Variants in DYNC1I1 observed in about 807,000 individuals in gnomAD.
DYNC1I1 encodes dynein cytoplasmic 1 intermediate chain 1.
Under a neutral mutation model 86.6 loss-of-function variants are expected in DYNC1I1, and 43 were observed. That is an observed-to-expected ratio of 0.50 (90% confidence interval 0.39 to 0.64). The LOEUF is 0.64. Ranked by LOEUF, DYNC1I1 falls within the 30% of genes least tolerant of loss-of-function variation. DYNC1I1 has a pLI of 0.00. For synonymous variants in DYNC1I1, 262 were observed against 283.7 expected (o/e 0.92, Z 0.77); for missense variants, 604 against 788.8 (o/e 0.77, Z 2.81).
intron 16 of DYNC1I1, among the ~76,000 whole-genome samples, chr7:96,080,809 C>T (rs963139662): frequency 2.0e-5 from 3 of 152,058 alleles, no homozygotes; most frequent in Non-Finnish European, 2.9e-5. Context: ...CGGTGCCTCA[C>T]GCCTGTAATC....
At chr7:95,884,896 T>C (rs1790553389) in intron 6 of DYNC1I1, among the ~76,000 whole-genome samples, 1 of 152,010 alleles carries the variant, frequency 6.6e-6, no homozygotes, top group African/African-American at 2.4e-5. Flanking sequence ...ATCTACCTCA[T>C]AGGGCTGTCA....
chr7:96,024,236 T>G (rs951437592), intron 10 of DYNC1I1, among the ~76,000 whole-genome samples: 3 of 152,282 alleles, frequency 2.0e-5, no homozygotes, highest in Admixed American at 6.5e-5. Context: ...TATTTTCCAC[T>G]TACGTAAACT....
At chr7:95,915,170 A>G (rs758112413) in intron 6 of DYNC1I1, among the ~76,000 whole-genome samples, 1 of 152,260 alleles carries the variant, frequency 6.6e-6, no homozygotes, top group Non-Finnish European at 1.5e-5. Context: ...TATGGTCACA[A>G]AGACAGCCAA....
At chr7:96,072,876 T>G (rs781199917) in intron 14 of DYNC1I1, among the ~76,000 whole-genome samples, 10 of 152,232 alleles carry the variant, frequency 6.6e-5, no homozygotes, top group Non-Finnish European at 1.3e-4. Flanking sequence ...AAATATTTTA[T>G]GCATGAGACA....
intron 1 of DYNC1I1, among the ~76,000 whole-genome samples, chr7:95,792,130 G>A (rs1794319213): frequency 6.6e-6 from 1 of 152,138 alleles, no homozygotes; most frequent in African/African-American, 2.4e-5. Context: ...ATTAGACATG[G>A]CCCCTGTCTT....
intron 14 of DYNC1I1, among the ~76,000 whole-genome samples, chr7:96,057,836 T>C (rs78955577): frequency 0.037 from 5,629 of 152,250 alleles, 114 homozygotes; most frequent in African/African-American, 0.061. Context: ...TTGCCAGCAG[T>C]CATATTTCTG....
intron 1 of DYNC1I1, among the ~76,000 whole-genome samples, chr7:95,776,053 C>G (rs147067075): frequency 1.5e-4 from 23 of 152,212 alleles, no homozygotes; most frequent in African/African-American, 5.3e-4. Context: ...AGAGACCAGG[C>G]TGGAGGCTCG....
At chr7:95,798,600 A>G (rs1177407729) in intron 1 of DYNC1I1, among the ~76,000 whole-genome samples, 1 of 152,250 alleles carries the variant, frequency 6.6e-6, no homozygotes, top group African/African-American at 2.4e-5. Flanking sequence ...GTCTGGCAAC[A>G]GCTGGGCAGT....
chr7:96,099,095 G>T (rs955423989), downstream of DYNC1I1, among the ~76,000 whole-genome samples: 3 of 152,148 alleles, frequency 2.0e-5, no homozygotes, highest in African/African-American at 7.2e-5. Flanking sequence ...TGAATGAAAA[G>T]TACTGGGAAA....
chr7:95,798,484 G>A lies in DYNC1I1; in HGVS notation c.-9-6237G>A, dbSNP rs997581530. Among the ~76,000 whole-genome samples the A allele has an allele frequency of 1.2e-4, 19 of 152,042 alleles. No homozygotes were observed. In the East Asian group the frequency reaches 2.9e-3, roughly 23 times the overall value. ...CTGTGAAAGATCAAATTTCTTACAC[G>A]TATCTGTGGCAGATGAAAAGTTCAA... On this transcript the variant is annotated intron_variant, in intron 1 of 16. Transcript: ENST00000447467.
intron 1 of DYNC1I1, among the ~76,000 whole-genome samples, chr7:95,774,918 A>G (rs1793803574): frequency 6.6e-6 from 1 of 152,224 alleles, no homozygotes; most frequent in Admixed American, 6.5e-5. Flanking sequence ...GCATCAAATG[A>G]AAAGGTCACA....
At chr7:95,867,305 AG>A (rs1481922224) in intron 5 of DYNC1I1, among the ~76,000 whole-genome samples, 2 of 152,220 alleles carry the variant, frequency 1.3e-5, no homozygotes, top group Non-Finnish European at 2.9e-5. Flanking sequence ...GATATATACC[AG>A]GCACTAAACT....
intron 6 of DYNC1I1, among the ~76,000 whole-genome samples, chr7:95,966,141 A>G (rs577107831): frequency 6.6e-6 from 1 of 152,336 alleles, no homozygotes; most frequent in African/African-American, 2.4e-5. Context: ...AGATACATCC[A>G]GAATTTCCCA....
Position 95,835,465 on chromosome 7 carries a change from A to C in DYNC1I1, c.374+7349A>C, listed in dbSNP as rs1011523645. Among the ~76,000 whole-genome samples the C allele has an allele frequency of 3.1e-3, 471 of 150,856 alleles. 1 individual carries two copies. Among genetic ancestry groups the C allele is most frequent in the Non-Finnish European group, 5.6e-3 (377 of 67,722 alleles). On this transcript the variant is annotated intron_variant, in intron 5 of 16. Transcript: ENST00000447467. ...TATATGCTGTTGATTTGAGGTGGAG[A>C]GTTCTGTAGATGTCTATTAGGTCTG...
At chr7:96,016,494 C>T (rs542088598) in intron 10 of DYNC1I1, among the ~76,000 whole-genome samples, 6 of 152,084 alleles carry the variant, frequency 3.9e-5, no homozygotes, top group African/African-American at 2.4e-5. Context: ...AACAACAAAC[C>T]GTGAATCCTA....
intron 6 of DYNC1I1, among the ~76,000 whole-genome samples, chr7:95,971,905 G>A (rs941423397): frequency 6.6e-6 from 1 of 152,098 alleles, no homozygotes; most frequent in South Asian, 2.1e-4. Context: ...CTCTCCACCC[G>A]AGCCAGCCTT....
intron 1 of DYNC1I1, 25 bp from the exon 2 acceptor site, chr7:95,804,696 C>A: frequency 1.3e-6 from 2 of 1,545,862 alleles, no homozygotes; most frequent in South Asian, 1.3e-5. Context: ...TATATATGTT[C>A]ACTTTTTTTT....
intron 6 of DYNC1I1, among the ~76,000 whole-genome samples, chr7:95,965,168 G>C (rs75063568): frequency 0.033 from 5,014 of 152,276 alleles, 221 homozygotes; most frequent in African/African-American, 0.099. Flanking sequence ...GAATAGGCAA[G>C]GAAAAAGAAG....
chr7:95,977,658 T>C (rs1793343147), intron 7 of DYNC1I1, 57 bp downstream of exon 7: 3 of 1,529,928 alleles, frequency 2.0e-6, no homozygotes, highest in Non-Finnish European at 2.7e-6. Context: ...TGTTTGCCTT[T>C]ACTAATATAA....
Sources: allele counts gnomAD v4.1 joint callset (sites outside exome capture counted in the v4.1 genomes callset), GRCh38; gene constraint gnomAD v4.1.1; transcripts MANE v1.5; gene names NCBI Gene and HGNC (gene_info 2026-07-23, HGNC 2026-07-21).